The following ST6GALNAC5 variants were observed in gnomAD, a reference collection of about 807,000 sequenced individuals.
The protein encoded by ST6GALNAC5 is alpha-N-acetylgalactosaminide alpha-2,6-sialyltransferase 5.
ST6GALNAC5 carries 27 observed loss-of-function variants against 33.6 expected under a neutral mutation model. The ratio of observed to expected loss-of-function variants is 0.80; its 90% CI spans 0.59 to 1.11. The LOEUF is 1.11. Among genes scored for constraint, ST6GALNAC5 ranks in the 50% least tolerant of loss-of-function variants. ST6GALNAC5 has a pLI of 0.00. For missense variants in ST6GALNAC5, 428 were observed against 454.0 expected (o/e 0.94, Z 0.52); for synonymous variants, 194 against 171.2 (o/e 1.13, Z -1.04).
chr1:77,053,876 A>G (rs894632043), intron 4 of ST6GALNAC5, among the ~76,000 whole-genome samples: 1 of 152,150 alleles, frequency 6.6e-6, no homozygotes, highest in Non-Finnish European at 1.5e-5. Flanking sequence ...GGCTGCTCAA[A>G]GTGTGCCTGG....
intron 2 of ST6GALNAC5, among the ~76,000 whole-genome samples, chr1:76,917,147 T>C (rs1646984110): frequency 1.3e-5 from 2 of 152,184 alleles, no homozygotes; most frequent in African/African-American, 4.8e-5. Flanking sequence ...TATTTCACCC[T>C]GCTTTGAACC....
chr1:77,021,945 A>G (rs1651068498), intron 2 of ST6GALNAC5, among the ~76,000 whole-genome samples: 1 of 152,146 alleles, frequency 6.6e-6, no homozygotes, highest in Admixed American at 6.5e-5. Flanking sequence ...CCTAATAAGA[A>G]CAGAAATGCC....
chr1:77,043,941 T>A (rs1031426797), intron 2 of ST6GALNAC5, among the ~76,000 whole-genome samples: 40 of 152,212 alleles, frequency 2.6e-4, no homozygotes, highest in African/African-American at 9.7e-4. Context: ...TCGATTTGGT[T>A]ATTTAATATC....
At chr1:76,955,325 A>G (rs1647914818) in intron 2 of ST6GALNAC5, among the ~76,000 whole-genome samples, 1 of 152,080 alleles carries the variant, frequency 6.6e-6, no homozygotes, top group South Asian at 2.1e-4. Context: ...TCTGAATTGG[A>G]TGTGCTTCAA....
intron 2 of ST6GALNAC5, among the ~76,000 whole-genome samples, chr1:76,930,079 G>A (rs969879542): frequency 6.6e-6 from 1 of 152,166 alleles, no homozygotes; most frequent in Non-Finnish European, 1.5e-5. Context: ...GAAAGTCCAA[G>A]TATAGAGTGA....
At chr1:77,037,180 C>T (rs1281368422) in intron 2 of ST6GALNAC5, among the ~76,000 whole-genome samples, 1 of 152,048 alleles carries the variant, frequency 6.6e-6, no homozygotes, top group East Asian at 1.9e-4. Flanking sequence ...ACACAGAGCT[C>T]AGTTTAAAGT....
At chr1:76,981,215 C>T (rs577654983) in intron 2 of ST6GALNAC5, among the ~76,000 whole-genome samples, 16 of 152,146 alleles carry the variant, frequency 1.1e-4, no homozygotes, top group South Asian at 6.2e-4. Context: ...CATGAGGGGT[C>T]GGGGGATTTC....
Position 77,066,965 on chromosome 1 carries a change from G to A in ST6GALNAC5, c.*3759G>A, listed in dbSNP as rs527515418. ...CCAGAGTAATGACCATGGTAGGTGG[G>A]AGGAATATATCTGGCTACCATACAA... On this transcript the variant is annotated 3_prime_UTR_variant, in exon 5 of 5. Coordinates refer to ENST00000477717, the MANE Select transcript of ST6GALNAC5 (RefSeq NM_030965.3). 1.3e-5 allele frequency among the ~76,000 whole-genome samples: 2 copies of A among 152,172 alleles called. No individual in the cohort carries two copies. The highest frequency in any genetic ancestry group is 2.9e-5 in the Non-Finnish European group (2 of 68,034).
intron 2 of ST6GALNAC5, among the ~76,000 whole-genome samples, chr1:76,924,118 G>A (rs149161143): frequency 1.2e-3 from 189 of 152,098 alleles, no homozygotes; most frequent in African/African-American, 4.3e-3. Context: ...TGTAAGTTGA[G>A]GGGTAAGGAA....
intron 2 of ST6GALNAC5, among the ~76,000 whole-genome samples, chr1:77,015,342 T>C (rs2100428765): frequency 6.6e-6 from 1 of 152,222 alleles, no homozygotes; most frequent in Non-Finnish European, 1.5e-5. Flanking sequence ...AGGCCCTCAA[T>C]GGATCTGATA....
intron 2 of ST6GALNAC5, among the ~76,000 whole-genome samples, chr1:77,016,657 G>A (rs184204182): frequency 5.3e-5 from 8 of 152,214 alleles, no homozygotes; most frequent in African/African-American, 1.2e-4. Context: ...TAAACTGAAC[G>A]CTGACTTGGC....
At chr1:76,944,805 A>T (rs1000253173) in intron 2 of ST6GALNAC5, among the ~76,000 whole-genome samples, 1 of 151,914 alleles carries the variant, frequency 6.6e-6, no homozygotes, top group African/African-American at 2.4e-5. Flanking sequence ...TCTTCCCTCC[A>T]CTAGTTTTTC....
chr1:76,958,154 T>C (rs558131177), intron 2 of ST6GALNAC5, among the ~76,000 whole-genome samples: 1 of 152,202 alleles, frequency 6.6e-6, no homozygotes, highest in Non-Finnish European at 1.5e-5. Flanking sequence ...TGATGCCACA[T>C]GTGACAGCTT....
chr1:77,029,251 C>T (rs541945905), intron 2 of ST6GALNAC5, among the ~76,000 whole-genome samples: 57 of 152,222 alleles, frequency 3.7e-4, no homozygotes, highest in African/African-American at 1.3e-3. Context: ...TCTGAAACAA[C>T]GAGTATAGTT....
chr1:76,869,832 C>G (rs955518851), intron 2 of ST6GALNAC5, among the ~76,000 whole-genome samples: 1 of 152,014 alleles, frequency 6.6e-6, no homozygotes, highest in Non-Finnish European at 1.5e-5. Context: ...CTTTAAATAC[C>G]TGAGGACAGA....
At chr1:77,062,659 G>T (rs1342998800) in intron 4 of ST6GALNAC5, among the ~76,000 whole-genome samples, 3 of 152,116 alleles carry the variant, frequency 2.0e-5, no homozygotes, top group African/African-American at 7.2e-5. Flanking sequence ...GCTGCTTATG[G>T]TAAATAGACT....
At chr1:77,003,469 T>C (rs1207807675) in intron 2 of ST6GALNAC5, among the ~76,000 whole-genome samples, 1 of 150,580 alleles carries the variant, frequency 6.6e-6, no homozygotes, top group Non-Finnish European at 1.5e-5. Flanking sequence ...TGTCTTTTAA[T>C]TGGAGCATTT....
At chr1:76,904,199 G>A (rs979073601) in intron 2 of ST6GALNAC5, among the ~76,000 whole-genome samples, 7 of 152,134 alleles carry the variant, frequency 4.6e-5, no homozygotes, top group Admixed American at 6.5e-5. Flanking sequence ...GATGCCAGAT[G>A]GTAAGAAGGG....
At chr1:76,954,888 G>A (rs1371344346) in intron 2 of ST6GALNAC5, among the ~76,000 whole-genome samples, 1 of 152,040 alleles carries the variant, frequency 6.6e-6, no homozygotes, top group East Asian at 1.9e-4. Context: ...GTTTCCCTTA[G>A]TGTTAAAATG....
Sources: gnomAD v4.1 joint callset for allele counts (sites outside exome capture counted in the v4.1 genomes callset) on GRCh38, gnomAD v4.1.1 for gene constraint, MANE v1.5 for transcripts, NCBI Gene and HGNC (gene_info 2026-07-23, HGNC 2026-07-21) for gene names.